Variants in PGLS observed in about 807,000 individuals in gnomAD.
The protein encoded by PGLS is epididymis secretory protein Li 304.
A neutral mutation model predicts 23.2 loss-of-function variants in PGLS; 21 were observed. The ratio of observed to expected loss-of-function variants is 0.91; its 90% CI spans 0.64 to 1.31. The LOEUF (loss-of-function observed/expected upper bound fraction) is 1.31. PGLS is among the 50% of genes most tolerant of loss of function. PGLS has a pLI of 0.00. For synonymous variants in PGLS, 179 were observed against 165.4 expected (o/e 1.08, Z -0.63); for missense variants, 410 against 354.0 (o/e 1.16, Z -1.27).
At chr19:17,519,239 G>A (rs982385592) in intron 4 of PGLS, among the ~76,000 whole-genome samples, 37 of 151,078 alleles carry the variant, frequency 2.4e-4, no homozygotes, top group African/African-American at 7.8e-4. Context: ...ACTTGAACCC[G>A]GGAGGCGGAG....
chr19:17,511,974 G>T lies in PGLS; in HGVS notation c.288+14G>T, dbSNP rs1248423875. On this transcript the variant is annotated intron_variant, in intron 1 of 4. Transcript: ENST00000252603. ...GGCCTCTACCGGGTGAGAGCTACGG[G>T]GGCCGCCGGGGATCACGCCGAGAGG... 11 of 1,534,166 alleles carry T rather than the reference G, an allele frequency of 7.2e-6. No homozygotes were observed. The highest frequency in any genetic ancestry group is 1.2e-5 in the South Asian group (1 of 83,444).
At chr19:17,512,190 C>T (rs1006514357) in intron 1 of PGLS, 2 of 525,748 alleles carry the variant, frequency 3.8e-6, no homozygotes, top group Non-Finnish European at 6.6e-6. Flanking sequence ...ACCGGTTGCC[C>T]TCGGCTACGG....
In PGLS at chr19:17,521,050, C is replaced by T; in HGVS notation, c.746C>T (p.Thr249Ile). Residue 249 changes from threonine (T) to isoleucine (I), a missense_variant, in exon 5 of 5, where the codon ACC (threonine) becomes ATC (isoleucine). Coordinates refer to ENST00000252603, the MANE Select transcript of PGLS (RefSeq NM_012088.3). ...GACGAGGCGGCCGCCCGCCTCCTGA[C>T]CGTGCCCTTCGAGAAGCATTCCACT... ...FLDEAAARLLTVPFEKHSTL is the reference protein window; with the variant it reads ...FLDEAAARLLIVPFEKHSTL 3.1e-6 allele frequency: 5 copies of T among 1,602,808 alleles called. No homozygotes were observed. In the East Asian group the frequency reaches 1.1e-4, roughly 36 times the overall value.
At chr19:17,516,911 C>G (rs11880242) in intron 2 of PGLS, among the ~76,000 whole-genome samples, 53,310 of 146,288 alleles carry the variant, frequency 0.36, 10,189 homozygotes, top group Middle Eastern at 0.45. Flanking sequence ...GAGTCTTACT[C>G]TGTCACTCTG....
chr19:17,515,099 G>A (rs569848712), intron 1 of PGLS, among the ~76,000 whole-genome samples: 1 of 152,166 alleles, frequency 6.6e-6, no homozygotes, highest in Non-Finnish European at 1.5e-5. Flanking sequence ...ATTTTCTGTT[G>A]TTTATAAGCC....
At chr19:17,517,216 T>G (rs1404403491) in intron 2 of PGLS, 72 bp from the exon 3 acceptor site, 1 of 910,186 alleles carries the variant, frequency 1.1e-6, no homozygotes, top group Admixed American at 1.9e-5. Context: ...TGACAACTGT[T>G]TCTGTGTCCT....
chr19:17,515,558 C>A (rs1009312042), intron 1 of PGLS, among the ~76,000 whole-genome samples: 1 of 152,178 alleles, frequency 6.6e-6, no homozygotes, highest in Non-Finnish European at 1.5e-5. Context: ...GCCTGGCCCC[C>A]ACTCCCTGTA....
chr19:17,512,045 C>G, intron 1 of PGLS, 85 bp downstream of exon 1: 1 of 1,387,240 alleles, frequency 7.2e-7, no homozygotes, highest in Non-Finnish European at 9.5e-7. Flanking sequence ...CGCCGGGGGC[C>G]ATGCCGAAAG....
intron 4 of PGLS, chr19:17,518,615 C>T (rs2075544310): frequency 6.6e-6 from 1 of 152,102 alleles, no homozygotes; most frequent in South Asian, 2.1e-4. Context: ...GCTACAATCT[C>T]TACCTCCCAG....
At position 17,516,286 on chromosome 19, in the gene PGLS, C is replaced by A. The variant is rs1240122922; in HGVS notation, c.396+6C>A. Reference sequence around the variant, plus strand: ...ACGCCAAGAAGCTGAGACAGGTGAGCCCCGAGGAGCGGCCGCAAGGGAGTC... The same window carrying A: ...ACGCCAAGAAGCTGAGACAGGTGAGACCCGAGGAGCGGCCGCAAGGGAGTC... On this transcript the variant is annotated splice_donor_region_variant and intron_variant, in intron 2 of 4. Coordinates refer to ENST00000252603, the MANE Select transcript of PGLS (RefSeq NM_012088.3). 6.2e-7 allele frequency: 1 copy of A among 1,612,496 alleles called. No individual in the cohort carries two copies. The highest frequency in any genetic ancestry group is 1.7e-5 in the Admixed American group (1 of 59,898).
In PGLS at chr19:17,511,705, G is replaced by A. The variant is rs957213468; in HGVS notation, c.33G>A (p.Val11=). Residue 11 remains valine, a synonymous_variant, in exon 1 of 5, where the codon GTG becomes GTA. Coordinates refer to ENST00000252603, the MANE Select transcript of PGLS (RefSeq NM_012088.3). The stretch of plus-strand genomic sequence containing the variant: ...CGCCGGCCCCGGGCCTCATCTCGGT[G>A]TTCTCGAGTTCCCAGGAGCTGGGTG... MAAPAPGLIS[V]FSSSQELGAA... 11 of 1,510,064 alleles carry A rather than the reference G, an allele frequency of 7.3e-6. No individual in the cohort carries two copies. In the African/African-American group the frequency reaches 1.3e-4, roughly 18 times the overall value. The allele number at this position is 1,510,064 out of a possible 1,614,324, so 93.5% of individuals were successfully genotyped here.
chr19:17,520,669 T>G (rs2075553348), intron 4 of PGLS: 1 of 273,008 alleles, frequency 3.7e-6, no homozygotes. Context: ...AGGCGGAGGT[T>G]GCCGTGAGCC....
rs374780934 is a variant in PGLS, at chr19:17,515,871, G to C, written c.289-302G>C. On this transcript the variant is annotated intron_variant, in intron 1 of 4. Transcript: ENST00000252603. ...AACCACCATGATCCCGATTCACCCAGGAGGGCCACCCTCCCGTCCAGCCCC... is the reference window on the plus strand; with the variant it reads ...AACCACCATGATCCCGATTCACCCACGAGGGCCACCCTCCCGTCCAGCCCC... 139 of 289,832 alleles carry C rather than the reference G, an allele frequency of 4.8e-4. 1 individual carries two copies. The South Asian group carries it at 5.4e-3, about 11-fold the overall frequency. 18.0% of individuals were successfully genotyped at this position (289,832 alleles called of 1,614,324 possible).
At chr19:17,520,571 A>G (rs1188139694) in intron 4 of PGLS, 1 of 156,374 alleles carries the variant, frequency 6.4e-6, no homozygotes, top group African/African-American at 2.4e-5. Flanking sequence ...AAAAAAAAAA[A>G]AAAAAAAAAC....
At chr19:17,519,679 C>G (rs2075548693) in intron 4 of PGLS, among the ~76,000 whole-genome samples, 1 of 152,154 alleles carries the variant, frequency 6.6e-6, no homozygotes, top group South Asian at 2.1e-4. Context: ...GGATTACAGG[C>G]ATGAACCACC....
intron 1 of PGLS, among the ~76,000 whole-genome samples, chr19:17,513,405 T>G (rs1280806452): frequency 6.6e-6 from 1 of 151,234 alleles, no homozygotes; most frequent in Non-Finnish European, 1.5e-5. Flanking sequence ...TGCGCACCTG[T>G]AATCCCAGCT....
chr19:17,511,827 C>G lies in PGLS; in HGVS notation c.155C>G (p.Ser52Trp). ...GGCCTGTCGGGCGGGAGCCTCGTCTCGATGCTAGCCCGCGAGCTACCCGCC... is the reference window on the plus strand; with the variant it reads ...GGCCTGTCGGGCGGGAGCCTCGTCTGGATGCTAGCCCGCGAGCTACCCGCC... ...ALGLSGGSLVSMLARELPAAV... is the reference protein window; with the variant it reads ...ALGLSGGSLVWMLARELPAAV... Residue 52 changes from serine to tryptophan, a missense_variant, in exon 1 of 5, where the codon TCG becomes TGG. Physicochemically the swap from Ser to Trp is radical, Grantham distance 177. Transcript: ENST00000252603. The G allele has an allele frequency of 1.3e-6, 2 of 1,519,724 alleles. No homozygotes were observed. Among genetic ancestry groups the G allele is most frequent in the South Asian group, 1.2e-5 (1 of 82,652 alleles). The allele number at this position is 1,519,724 out of a possible 1,614,324, so 94.1% of individuals were successfully genotyped here.
At chr19:17,517,512 C>G in intron 3 of PGLS, 123 bp downstream of exon 3, 1 of 952,692 alleles carries the variant, frequency 1.0e-6, no homozygotes, top group Non-Finnish European at 1.6e-6. Flanking sequence ...TCAGCCTCCA[C>G]CAACATACCT....
intron 1 of PGLS, chr19:17,512,294 C>T (rs1211901777): frequency 5.3e-6 from 2 of 375,484 alleles, no homozygotes; most frequent in Non-Finnish European, 9.8e-6. Context: ...GCTCGCCCGC[C>T]TCCTGAACCC....
Sources: allele counts gnomAD v4.1 joint callset (sites outside exome capture counted in the v4.1 genomes callset), GRCh38; gene constraint gnomAD v4.1.1; transcripts MANE v1.5; gene names NCBI Gene and HGNC (gene_info 2026-07-23, HGNC 2026-07-21).